Variants in CHL1 observed in about 807,000 individuals in gnomAD.
CHL1 encodes the protein neural cell adhesion molecule L1-like protein.
A neutral mutation model predicts 141.9 loss-of-function variants in CHL1; 96 were observed. The ratio of observed to expected loss-of-function variants is 0.68; its 90% CI spans 0.57 to 0.80. CHL1 has a LOEUF of 0.80. Among genes scored for constraint, CHL1 ranks in the 30% least tolerant of loss-of-function variants. The probability of loss-of-function intolerance (pLI) is 0.00; values close to 1 mark genes in which losing one functional copy is unlikely to be tolerated. For missense variants in CHL1, 1,820 were observed against 1,457.2 expected (o/e 1.25, Z -4.05); for synonymous variants, 613 against 502.2 (o/e 1.22, Z -2.95).
chr3:260,096 C>A (rs1271962380), intron 2 of CHL1, among the ~76,000 whole-genome samples: 1 of 152,096 alleles, frequency 6.6e-6, no homozygotes, highest in Non-Finnish European at 1.5e-5. Context: ...GAAACCCTGT[C>A]TCTACTAAAA....
In CHL1 at chr3:408,382, C is replaced by T. The variant is rs1709662555; in HGVS notation, c.*2671C>T. 6.6e-6 allele frequency: 1 copy of T among 152,068 alleles called. No homozygotes were observed. Among genetic ancestry groups the T allele is most frequent in the Non-Finnish European group, 1.5e-5 (1 of 68,010 alleles). The allele number at this position is 152,068 out of a possible 1,614,324, so 9.4% of individuals were successfully genotyped here. On this transcript the variant is annotated 3_prime_UTR_variant, in exon 28 of 28. Coordinates refer to ENST00000256509, the MANE Select transcript of CHL1 (RefSeq NM_006614.4). Reference sequence around the variant, plus strand: ...TCCAAGGGTTGGGAAAATCCAAATTCTCTTCCTGGTTCCAGCACTGATTTT... The same window carrying T: ...TCCAAGGGTTGGGAAAATCCAAATTTTCTTCCTGGTTCCAGCACTGATTTT...
chr3:248,480 A>G (rs563520500), intron 2 of CHL1: 161 of 152,174 alleles, frequency 1.1e-3, no homozygotes, highest in African/African-American at 3.8e-3. Flanking sequence ...AATTTTATTG[A>G]GGTATAACTG....
chr3:240,697 A>G (rs963035821), intron 1 of CHL1, among the ~76,000 whole-genome samples: 1 of 152,052 alleles, frequency 6.6e-6, no homozygotes, highest in Non-Finnish European at 1.5e-5. Flanking sequence ...AGTTTTTCTG[A>G]CGTTATCTTC....
At chr3:362,305 T>C (rs769232540) in intron 13 of CHL1, among the ~76,000 whole-genome samples, 1 of 152,192 alleles carries the variant, frequency 6.6e-6, no homozygotes, top group Non-Finnish European at 1.5e-5. Flanking sequence ...TTAGTTGCTT[T>C]ACTGAAAAAG....
At chr3:295,898 C>T (rs1406841879) in intron 2 of CHL1, among the ~76,000 whole-genome samples, 1 of 152,114 alleles carries the variant, frequency 6.6e-6, no homozygotes, top group Non-Finnish European at 1.5e-5. Flanking sequence ...CAGATCTAAA[C>T]AATCATGTGC....
chr3:363,953 C>T (rs547692402), intron 14 of CHL1: 14 of 152,314 alleles, frequency 9.2e-5, no homozygotes, highest in South Asian at 4.1e-4. Context: ...TGGAAAGGAT[C>T]TTCGGTATTA....
Position 354,785 on chromosome 3 carries a change from C to G in CHL1, c.1165+14C>G. On this transcript the variant is annotated intron_variant, in intron 11 of 27. Coordinates refer to ENST00000256509, the MANE Select transcript of CHL1 (RefSeq NM_006614.4). Reference sequence around the variant, plus strand: ...CCCCAGTTGACAGTAAGTTTAAAAACCAATTGCAATGCAATGCTGAAGGCC... The same window carrying G: ...CCCCAGTTGACAGTAAGTTTAAAAAGCAATTGCAATGCAATGCTGAAGGCC... 6.2e-7 allele frequency: 1 copy of G among 1,612,826 alleles called. No individual in the cohort carries two copies. The highest frequency in any genetic ancestry group is 8.5e-7 in the Non-Finnish European group (1 of 1,179,322).
intron 16 of CHL1, among the ~76,000 whole-genome samples, chr3:381,084 T>G (rs571054477): frequency 5.8e-4 from 88 of 152,308 alleles, no homozygotes; most frequent in Non-Finnish European, 1.1e-3. Context: ...CCTTCCTCAG[T>G]AAGCCAGAAA....
chr3:229,242 A>T (rs181215336), intron 1 of CHL1, among the ~76,000 whole-genome samples: 5 of 152,260 alleles, frequency 3.3e-5, no homozygotes, highest in African/African-American at 1.2e-4. Context: ...AATCCTTCAT[A>T]ATGTTTTTTT....
chr3:314,290 A>C (rs1279108568), intron 2 of CHL1, among the ~76,000 whole-genome samples: 1 of 126,076 alleles, frequency 7.9e-6, no homozygotes, highest in African/African-American at 3.0e-5. Flanking sequence ...ACCTCCCCCC[A>C]ATCTTGCACT....
At chr3:220,949 A>C (rs1225278956) in intron 1 of CHL1, among the ~76,000 whole-genome samples, 1 of 152,198 alleles carries the variant, frequency 6.6e-6, no homozygotes, top group African/African-American at 2.4e-5. Flanking sequence ...TGGAGGCCTC[A>C]TCTGGATAGA....
intron 1 of CHL1, among the ~76,000 whole-genome samples, chr3:198,711 G>T (rs1414350553): frequency 1.3e-5 from 2 of 152,202 alleles, no homozygotes; most frequent in Admixed American, 6.5e-5. Flanking sequence ...ATTACTGTTA[G>T]TTAATCCTCA....
chr3:223,851 C>G (rs952239514), intron 1 of CHL1, among the ~76,000 whole-genome samples: 1 of 152,014 alleles, frequency 6.6e-6, no homozygotes, highest in Non-Finnish European at 1.5e-5. Context: ...TCATAGGGGT[C>G]AAAGCTGTCT....
At chr3:337,884 A>G (rs571948644) in intron 5 of CHL1, among the ~76,000 whole-genome samples, 12 of 152,278 alleles carry the variant, frequency 7.9e-5, no homozygotes, top group South Asian at 2.1e-4. Flanking sequence ...TTGGGTATAT[A>G]CCCAGTAATG....
chr3:242,193 ATG>A (rs1052172890), intron 1 of CHL1, among the ~76,000 whole-genome samples: 10 of 152,144 alleles, frequency 6.6e-5, no homozygotes, highest in Non-Finnish European at 1.2e-4. Context: ...GTATATATAT[ATG>A]TGTGTGTATA....
chr3:223,142 A>G (rs1445622015), intron 1 of CHL1, among the ~76,000 whole-genome samples: 1 of 152,110 alleles, frequency 6.6e-6, no homozygotes, highest in Non-Finnish European at 1.5e-5. Context: ...GGACACGAAC[A>G]TCTTTGGGGT....
intron 10 of CHL1, 120 bp downstream of exon 10, chr3:349,663 T>C: frequency 2.5e-6 from 2 of 814,236 alleles, no homozygotes; most frequent in South Asian, 1.8e-5. Context: ...CTTTTAATTG[T>C]AGTGCGGGCA....
chr3:308,704 G>A (rs1699466591), intron 2 of CHL1: 1 of 151,800 alleles, frequency 6.6e-6, no homozygotes, highest in Non-Finnish European at 1.5e-5. Flanking sequence ...GAGACAGGAA[G>A]GAGGCGCGTT....
chr3:221,451 A>T lies in CHL1; in HGVS notation c.-174-23162A>T, dbSNP rs116631744. ...CCAGATTAAAAGGTGAGCCTATTAG[A>T]GTGTTTATGTGTAGCAGACCCTACA... On this transcript the variant is annotated intron_variant, in intron 1 of 27. Transcript: ENST00000256509. Among the ~76,000 whole-genome samples the T allele has an allele frequency of 2.5e-3, 374 of 152,314 alleles. 1 individual carries two copies. The highest frequency in any genetic ancestry group is 8.3e-3 in the African/African-American group (347 of 41,572).
Sources: gnomAD v4.1 joint callset for allele counts (sites outside exome capture counted in the v4.1 genomes callset) on GRCh38, gnomAD v4.1.1 for gene constraint, MANE v1.5 for transcripts, NCBI Gene and HGNC (gene_info 2026-07-23, HGNC 2026-07-21) for gene names.